The following ZHX1 variants were observed in gnomAD, a reference collection of about 807,000 sequenced individuals.
ZHX1 encodes the protein zinc fingers and homeoboxes 1.
ZHX1 carries 20 observed loss-of-function variants against 61.8 expected under a neutral mutation model. The observed-to-expected ratio is 0.32, with a 90% CI of 0.23 to 0.47. The LOEUF (loss-of-function observed/expected upper bound fraction) is 0.47, where lower values mean the gene tolerates loss of function less well. Ranked by LOEUF, ZHX1 falls within the 20% of genes least tolerant of loss-of-function variation. ZHX1 has a pLI of 1.00. For missense variants in ZHX1, 800 were observed against 1,034.8 expected (o/e 0.77, Z 3.11); for synonymous variants, 318 against 352.6 (o/e 0.90, Z 1.10).
intron 1 of ZHX1, among the ~76,000 whole-genome samples, chr8:123,272,558 CCT>C (rs1826691260): frequency 6.6e-6 from 1 of 152,128 alleles, no homozygotes; most frequent in South Asian, 2.1e-4. Flanking sequence ...GGCCAATTTC[CCT>C]GTTAAAACCA....
chr8:123,267,316 T>C lies in ZHX1; in HGVS notation c.-269A>G. Reference sequence around the variant, plus strand: ...CATTCTGTTCTTTGAAATGGAAGGGTATCCCTTCTAGTTAGATGTTTAGCT... The same window carrying C: ...CATTCTGTTCTTTGAAATGGAAGGGCATCCCTTCTAGTTAGATGTTTAGCT... On this transcript the variant is annotated 5_prime_UTR_variant, in exon 2 of 4. It adds an upstream start codon to the 5' untranslated region. Transcript: ENST00000395571. 6.5e-7 allele frequency: 1 copy of C among 1,528,720 alleles called. No individual in the cohort carries two copies. The highest frequency in any genetic ancestry group is 8.8e-7 in the Non-Finnish European group (1 of 1,141,784). 94.7% of individuals were successfully genotyped at this position (1,528,720 alleles called of 1,614,324 possible).
At position 123,254,594 on chromosome 8, in the gene ZHX1, T is replaced by C. The variant is rs1194182362; in HGVS notation, c.1353A>G (p.Gln451=). 6.2e-7 allele frequency: 1 copy of C among 1,614,238 alleles called. No individual in the cohort carries two copies. Among genetic ancestry groups the C allele is most frequent in the Non-Finnish European group, 8.5e-7 (1 of 1,180,032 alleles). The change falls in exon 3 of 4, where the codon CAA becomes CAG. Residue 451 remains glutamine, a synonymous_variant. Coordinates refer to ENST00000395571, the MANE Select transcript of ZHX1 (RefSeq NM_007222.5). This position sits in a 1 kb window ranked among gnomAD's most constrained non-coding sequence, Gnocchi z 4.1. ...KPATAAVPTS[Q]SVKHETALVN... Reference sequence around the variant, plus strand: ...CCAATGCAGTTTCATGTTTGACACTTTGAGAAGTTGGAACTGCTGCTGTTG... The same window carrying C: ...CCAATGCAGTTTCATGTTTGACACTCTGAGAAGTTGGAACTGCTGCTGTTG...
At chr8:123,264,036 A>C (rs1481863000) in intron 2 of ZHX1, among the ~76,000 whole-genome samples, 1 of 152,194 alleles carries the variant, frequency 6.6e-6, no homozygotes, top group Non-Finnish European at 1.5e-5. Context: ...TATTTACTAA[A>C]GTACAGCAAT....
chr8:123,268,124 A>T (rs748525163), intron 1 of ZHX1, among the ~76,000 whole-genome samples: 8 of 152,232 alleles, frequency 5.3e-5, no homozygotes, highest in Non-Finnish European at 1.2e-4. Flanking sequence ...TTTGTATCCT[A>T]ATTTATTATG....
chr8:123,273,587 T>C (rs73703792), intron 1 of ZHX1, among the ~76,000 whole-genome samples: 8,789 of 152,180 alleles, frequency 0.058, 821 homozygotes, highest in African/African-American at 0.2. Flanking sequence ...CGGGTGCGCA[T>C]AGCCTTCCTT....
At chr8:123,268,104 C>A (rs1395552814) in intron 1 of ZHX1, among the ~76,000 whole-genome samples, 1 of 152,076 alleles carries the variant, frequency 6.6e-6, no homozygotes. Flanking sequence ...AGTACATAAA[C>A]CTAGTGATAT....
chr8:123,255,574 G>A lies in ZHX1; in HGVS notation c.373C>T (p.His125Tyr). ...AACTTAAAATTCTCTTCTCCTGGGT[G>A]ATATTTCAGATTATGCTCAGAAAGT... ...DALSEHNLKY[H>Y]PGEENFKLTM... Residue 125 changes from histidine (H) to tyrosine (Y), a missense_variant, in exon 3 of 4, where the codon CAC becomes TAC. His to Tyr is a moderately conservative substitution (Grantham distance 83, BLOSUM62 2). Transcript: ENST00000395571. The A allele has an allele frequency of 6.2e-7, 1 of 1,613,078 alleles. No individual in the cohort carries two copies. The highest frequency in any genetic ancestry group is 8.5e-7 in the Non-Finnish European group (1 of 1,179,908).
intron 2 of ZHX1, among the ~76,000 whole-genome samples, chr8:123,257,611 T>A (rs568318156): frequency 5.5e-4 from 84 of 152,274 alleles, no homozygotes; most frequent in African/African-American, 1.9e-3. Flanking sequence ...GAGATGGTTT[T>A]GGGATGAAAC....
chr8:123,254,865 T>C lies in ZHX1; in HGVS notation c.1082A>G (p.His361Arg). 2 of 1,614,174 alleles carry C rather than the reference T, an allele frequency of 1.2e-6. No individual in the cohort carries two copies. The highest frequency in any genetic ancestry group is 1.7e-6 in the Non-Finnish European group (2 of 1,179,964). Residue 361 changes from histidine to arginine, a missense_variant, in exon 3 of 4, where the codon CAT (histidine) becomes CGT (arginine). By Grantham distance (29) the His-to-Arg change is conservative (BLOSUM62 0). Transcript: ENST00000395571. The surrounding 1 kb of genome is among the most constrained non-coding windows in gnomAD (Gnocchi z 4.1). ...ARRKQFNGTVHTVPQTITVIP... is the reference protein window; with the variant it reads ...ARRKQFNGTVRTVPQTITVIP... Reference sequence around the variant, plus strand: ...AACAGTTATGGTCTGAGGTACAGTATGCACTGTTCCATTGAATTGTTTCCT... The same window carrying C: ...AACAGTTATGGTCTGAGGTACAGTACGCACTGTTCCATTGAATTGTTTCCT...
chr8:123,255,330 A>G lies in ZHX1; in HGVS notation c.617T>C (p.Val206Ala). ...IAVHHNSVED[V>A]PEEKENEIKP... ...GATTTCATTCTCTTTCTCTTCAGGA[A>G]CGTCCTCAACTGAGTTATGATGAAC... Residue 206 changes from valine to alanine, a missense_variant, in exon 3 of 4, where the codon GTT (valine) becomes GCT (alanine). Physicochemically the swap from Val to Ala is moderately conservative, Grantham distance 64. Coordinates refer to ENST00000395571, the MANE Select transcript of ZHX1 (RefSeq NM_007222.5). The G allele has an allele frequency of 6.2e-7, 1 of 1,614,100 alleles. No homozygotes were observed. The highest frequency in any genetic ancestry group is 8.5e-7 in the Non-Finnish European group (1 of 1,180,028).
chr8:123,273,258 G>A (rs1826717312), intron 1 of ZHX1, among the ~76,000 whole-genome samples: 1 of 152,182 alleles, frequency 6.6e-6, no homozygotes, highest in South Asian at 2.1e-4. Flanking sequence ...GAATTGCCAA[G>A]TCCCTTTACC....
Position 123,254,605 on chromosome 8 carries a change from G to A in ZHX1, c.1342C>T (p.Pro448Ser). 1 of 1,614,156 alleles carries A rather than the reference G, an allele frequency of 6.2e-7. No homozygotes were observed. Residue 448 changes from proline (P) to serine (S), a missense_variant, in exon 3 of 4, where the codon CCA (proline) becomes TCA (serine). Coordinates refer to ENST00000395571, the MANE Select transcript of ZHX1 (RefSeq NM_007222.5). The surrounding 1 kb of genome is among the most constrained non-coding windows in gnomAD (Gnocchi z 4.1). ...AETKPATAAV[P>S]TSQSVKHETA... ...TCATGTTTGACACTTTGAGAAGTTG[G>A]AACTGCTGCTGTTGCTGGCTTTGTT...
In ZHX1 at chr8:123,254,058, A is replaced by C. The variant is rs374123668; in HGVS notation, c.1889T>G (p.Met630Arg). 9.3e-6 allele frequency: 15 copies of C among 1,613,828 alleles called. No homozygotes were observed. Among genetic ancestry groups the C allele is most frequent in the Non-Finnish European group, 1.2e-5 (14 of 1,179,978 alleles). Residue 630 changes from methionine (M) to arginine (R), a missense_variant, in exon 3 of 4, where the codon ATG becomes AGG. Transcript: ENST00000395571. This position sits in a 1 kb window ranked among gnomAD's most constrained non-coding sequence, Gnocchi z 4.1. ...ACCTGCATTACTTTCATCTATTTCC[A>C]TTTTCTCTTCCTTTAAAGCTTTTGA... ...KKSKALKEEK[M>R]EIDESNAGSS...
chr8:123,260,820 G>A (rs1222953781), intron 2 of ZHX1, among the ~76,000 whole-genome samples: 1 of 151,772 alleles, frequency 6.6e-6, no homozygotes, highest in Non-Finnish European at 1.5e-5. Flanking sequence ...TCAGGAGTTC[G>A]AGACCAGCCT....
intron 1 of ZHX1, among the ~76,000 whole-genome samples, chr8:123,273,331 A>G (rs77426820): frequency 0.017 from 2,623 of 152,294 alleles, 60 homozygotes; most frequent in African/African-American, 0.059. Context: ...TCCTGCCCTT[A>G]GACCTTGTTC....
intron 1 of ZHX1, among the ~76,000 whole-genome samples, chr8:123,267,657 T>C (rs1375640167): frequency 2.0e-5 from 3 of 152,162 alleles, no homozygotes; most frequent in Non-Finnish European, 4.4e-5. Flanking sequence ...AACGTGAATA[T>C]ATGCCGTCTC....
At chr8:123,259,148 T>C (rs1215683758) in intron 2 of ZHX1, among the ~76,000 whole-genome samples, 1 of 152,182 alleles carries the variant, frequency 6.6e-6, no homozygotes, top group Admixed American at 6.5e-5. Flanking sequence ...AGAAGGAAAA[T>C]TGGACTAAAT....
chr8:123,258,538 C>T (rs77767042), intron 2 of ZHX1, among the ~76,000 whole-genome samples: 3,692 of 152,282 alleles, frequency 0.024, 51 homozygotes, highest in Admixed American at 0.037. Flanking sequence ...CTAATACTCT[C>T]CCAGCTGAGC....
intron 2 of ZHX1, among the ~76,000 whole-genome samples, chr8:123,259,292 GATATT>G (rs1467200494): frequency 1.3e-5 from 2 of 151,934 alleles, no homozygotes; most frequent in African/African-American, 4.8e-5. Flanking sequence ...TGATTTCTAA[GATATT>G]ATAAAGAAAT....
Sources: gnomAD v4.1 joint callset for allele counts (sites outside exome capture counted in the v4.1 genomes callset) on GRCh38, gnomAD v4.1.1 for gene constraint, Gnocchi (gnomAD v3.1) non-coding constraint, MANE v1.5 for transcripts, NCBI Gene and HGNC (gene_info 2026-07-23, HGNC 2026-07-21) for gene names.